The following ZNF385B variants were observed in gnomAD, a reference collection of about 807,000 sequenced individuals.
ZNF385B encodes zinc finger protein 533.
Under a neutral mutation model 39.2 loss-of-function variants are expected in ZNF385B, and 23 were observed. The ratio of observed to expected loss-of-function variants is 0.59; its 90% CI spans 0.42 to 0.83. ZNF385B has a LOEUF of 0.83. Among genes scored for constraint, ZNF385B ranks in the 40% least tolerant of loss-of-function variants. The pLI is 0.00. For synonymous variants in ZNF385B, 205 were observed against 222.6 expected (o/e 0.92, Z 0.70); for missense variants, 552 against 598.9 (o/e 0.92, Z 0.82).
intron 4 of ZNF385B, among the ~76,000 whole-genome samples, chr2:179,526,112 C>A (rs2058874892): frequency 6.7e-6 from 1 of 148,556 alleles, no homozygotes; most frequent in African/African-American, 2.5e-5. Context: ...GTCTGGGTCA[C>A]TGCAACCTCT....
chr2:179,702,037 C>CAA (rs1395589353), intron 3 of ZNF385B, among the ~76,000 whole-genome samples: 1 of 152,128 alleles, frequency 6.6e-6, no homozygotes. Context: ...ATTGCTGCTT[C>CAA]AAAAGACTTT....
intron 6 of ZNF385B, among the ~76,000 whole-genome samples, chr2:179,467,229 C>G (rs1337754051): frequency 6.6e-6 from 1 of 152,044 alleles, no homozygotes; most frequent in African/African-American, 2.4e-5. Flanking sequence ...AACTAGATGC[C>G]TCATTTAAAC....
intron 3 of ZNF385B, among the ~76,000 whole-genome samples, chr2:179,740,881 T>A (rs1702049311): frequency 6.6e-6 from 1 of 152,070 alleles, no homozygotes; most frequent in Non-Finnish European, 1.5e-5. Context: ...CTTGAGAGAT[T>A]TAAAATGATC....
chr2:179,668,331 A>G (rs933237864), intron 3 of ZNF385B, among the ~76,000 whole-genome samples: 13 of 152,230 alleles, frequency 8.5e-5, no homozygotes, highest in Non-Finnish European at 1.5e-4. Flanking sequence ...AAAAACAGGC[A>G]TCTGAAGAGA....
At chr2:179,608,423 C>A (rs994334536) in intron 3 of ZNF385B, among the ~76,000 whole-genome samples, 2 of 152,162 alleles carry the variant, frequency 1.3e-5, no homozygotes, top group Admixed American at 6.6e-5. Flanking sequence ...AGAAGTTTCA[C>A]ATGCAGAACA....
At chr2:179,627,706 G>A (rs1334069843) in intron 3 of ZNF385B, among the ~76,000 whole-genome samples, 5 of 152,028 alleles carry the variant, frequency 3.3e-5, no homozygotes, top group Admixed American at 3.3e-4. Context: ...TACAAATCAG[G>A]GCTTTTTTCT....
At chr2:179,723,706 G>C (rs1700831320) in intron 3 of ZNF385B, among the ~76,000 whole-genome samples, 1 of 151,994 alleles carries the variant, frequency 6.6e-6, no homozygotes, top group Admixed American at 6.6e-5. Context: ...AAGAAGCAAG[G>C]GTTATCTGAG....
rs1254405900 is a variant in ZNF385B, at chr2:179,552,970, G to A, written c.299-8001C>T. ...AAGGTATTAGCCCCATTTTACAGAT[G>A]AGAAACTGAGGCACAGAGAGATTAA... On this transcript the variant is annotated intron_variant, in intron 3 of 9. Coordinates refer to ENST00000410066, the MANE Select transcript of ZNF385B (RefSeq NM_152520.6). Among the ~76,000 whole-genome samples the A allele has an allele frequency of 2.0e-5, 3 of 149,112 alleles. 1 individual carries two copies. The highest frequency in any genetic ancestry group is 7.6e-5 in the African/African-American group (3 of 39,506).
chr2:179,675,320 G>T (rs1056089474), intron 3 of ZNF385B, among the ~76,000 whole-genome samples: 1 of 152,142 alleles, frequency 6.6e-6, no homozygotes, highest in Non-Finnish European at 1.5e-5. Flanking sequence ...AGAGGAAGAG[G>T]AGGCACTGGC....
At chr2:179,493,067 A>G (rs2055418401) in intron 5 of ZNF385B, among the ~76,000 whole-genome samples, 1 of 152,168 alleles carries the variant, frequency 6.6e-6, no homozygotes, top group Non-Finnish European at 1.5e-5. Context: ...AACAAATGCT[A>G]GTGGGTTTCC....
intron 4 of ZNF385B, among the ~76,000 whole-genome samples, chr2:179,536,955 C>T (rs2059601876): frequency 6.6e-6 from 1 of 152,060 alleles, no homozygotes; most frequent in African/African-American, 2.4e-5. Context: ...TAAGATAAAT[C>T]TTGAGGCTTT....
chr2:179,811,985 T>A (rs899414852), intron 1 of ZNF385B, among the ~76,000 whole-genome samples: 2 of 152,034 alleles, frequency 1.3e-5, no homozygotes, highest in Non-Finnish European at 2.9e-5. Flanking sequence ...GCAAAAGACA[T>A]GAACAGACAT....
At chr2:179,855,519 A>G (rs1180269711) in intron 1 of ZNF385B, among the ~76,000 whole-genome samples, 1 of 152,182 alleles carries the variant, frequency 6.6e-6, no homozygotes, top group East Asian at 1.9e-4. Flanking sequence ...TATTTATGAG[A>G]TCATAAAGTT....
At chr2:179,523,929 T>A (rs72625261) in intron 4 of ZNF385B, among the ~76,000 whole-genome samples, 2,872 of 152,254 alleles carry the variant, frequency 0.019, 224 homozygotes, top group East Asian at 0.16. Context: ...ACTACAGGCA[T>A]GTGCCACTGT....
chr2:179,512,148 G>C (rs1321433026), intron 5 of ZNF385B, among the ~76,000 whole-genome samples: 2 of 151,984 alleles, frequency 1.3e-5, no homozygotes, highest in East Asian at 3.9e-4. Flanking sequence ...TGACTAAAAA[G>C]ATCACCATGC....
At chr2:179,813,724 A>C (rs1444578086) in intron 1 of ZNF385B, among the ~76,000 whole-genome samples, 1 of 152,208 alleles carries the variant, frequency 6.6e-6, no homozygotes, top group African/African-American at 2.4e-5. Flanking sequence ...AATCTCTTTA[A>C]AGTTAAGAAT....
intron 1 of ZNF385B, among the ~76,000 whole-genome samples, chr2:179,808,334 T>C (rs1295864721): frequency 6.6e-6 from 1 of 152,192 alleles, no homozygotes; most frequent in African/African-American, 2.4e-5. Flanking sequence ...ACCCGGCCTA[T>C]AATTTTTATA....
chr2:179,544,852 A>G lies in ZNF385B; in HGVS notation c.416T>C (p.Val139Ala). ...MSFPVDSSSA[V>A]GLFPNFNTMD... ...TGTGTTAAAATTTGGAAAGAGCCCAACAGCAGAACTACTGTCCACTGGAAA... is the reference window on the plus strand; with the variant it reads ...TGTGTTAAAATTTGGAAAGAGCCCAGCAGCAGAACTACTGTCCACTGGAAA... The change falls in exon 4 of 10, where the codon GTT becomes GCT. Residue 139 changes from valine (V) to alanine (A), a missense_variant. By Grantham distance (64) the Val-to-Ala change is moderately conservative. Transcript: ENST00000410066. The G allele has an allele frequency of 6.2e-7, 1 of 1,614,148 alleles. No individual in the cohort carries two copies. The highest frequency in any genetic ancestry group is 1.3e-5 in the African/African-American group (1 of 75,054).
At chr2:179,624,087 T>G (rs1029724223) in intron 3 of ZNF385B, among the ~76,000 whole-genome samples, 1 of 152,128 alleles carries the variant, frequency 6.6e-6, no homozygotes, top group Non-Finnish European at 1.5e-5. Context: ...TCTTCCTTTC[T>G]CTCTCACCTC....
Sources: gnomAD v4.1 joint callset for allele counts (sites outside exome capture counted in the v4.1 genomes callset) on GRCh38, gnomAD v4.1.1 for gene constraint, MANE v1.5 for transcripts, NCBI Gene and HGNC (gene_info 2026-07-23, HGNC 2026-07-21) for gene names.